ZMYM2: variants seen among roughly 807,000 people sequenced by gnomAD.
ZMYM2 encodes zinc finger MYM-type containing 2.
A neutral mutation model predicts 162.8 loss-of-function variants in ZMYM2; 56 were observed. That is an observed-to-expected ratio of 0.34 (90% CI 0.28 to 0.43). The LOEUF (loss-of-function observed/expected upper bound fraction) is 0.43, where lower values mean the gene tolerates loss of function less well. ZMYM2 is among the 20% of genes least tolerant of loss of function. ZMYM2 has a pLI of 1.00. For synonymous variants in ZMYM2, 510 were observed against 541.6 expected (o/e 0.94, Z 0.81); for missense variants, 1,275 against 1,621.8 (o/e 0.79, Z 3.67).
rs935121760 is a variant in ZMYM2, at chr13:20,086,622, G to A, written c.*608G>A. 2.0e-5 allele frequency: 4 copies of A among 196,282 alleles called. No individual in the cohort carries two copies. In the East Asian group the frequency reaches 3.2e-4, roughly 16 times the overall value. The allele number at this position is 196,282 out of a possible 1,614,324, so 12.2% of individuals were successfully genotyped here. A position where few individuals can be genotyped will look rare whatever the true frequency, so the allele number is the denominator to read the frequency against. The stretch of plus-strand genomic sequence containing the variant: ...ACAAGAGAATGCTGTCAATATTGGT[G>A]TACTGTAATGTGAATCTATGCTGGT... On this transcript the variant is annotated 3_prime_UTR_variant, in exon 25 of 25. Transcript: ENST00000610343.
chr13:19,899,688 G>A, the ZMYM2 span, among the ~76,000 whole-genome samples: 1 of 151,540 alleles, frequency 6.6e-6, no homozygotes, highest in Admixed American at 6.6e-5. Context: ...ATGGTGGCAG[G>A]CACCTGTAAT....
the ZMYM2 span, among the ~76,000 whole-genome samples, chr13:19,871,954 G>T: frequency 6.6e-6 from 1 of 151,894 alleles, no homozygotes; most frequent in African/African-American, 2.4e-5. Context: ...GCAGACTCAT[G>T]TATTTATTAT....
the ZMYM2 span, among the ~76,000 whole-genome samples, chr13:19,876,738 C>T: frequency 9.8e-4 from 149 of 152,314 alleles, no homozygotes; most frequent in African/African-American, 3.6e-3. Context: ...CCATCACCAT[C>T]ACCCATTTTC....
intron 21 of ZMYM2, among the ~76,000 whole-genome samples, chr13:20,077,478 T>C (rs950429059): frequency 6.6e-6 from 1 of 150,664 alleles, no homozygotes; most frequent in Non-Finnish European, 1.5e-5. Flanking sequence ...AATAATGTTA[T>C]GCTCGTGTTG....
Position 20,036,773 on chromosome 13 carries a change from GT to G in ZMYM2, c.2159del (p.Leu720Ter). The G allele has an allele frequency of 6.3e-7, 1 of 1,589,920 alleles. No individual in the cohort carries two copies. Among genetic ancestry groups the G allele is most frequent in the Non-Finnish European group, 8.6e-7 (1 of 1,168,028 alleles). ...KLLYKQDFAR[R>X]LGLRCVTCNY... ...TTATACAAACAGGATTTTGCCAGAC[GT>G]TTAGGATTGAGATGTGTTACTTGCA... On this transcript the variant is annotated frameshift_variant, in exon 12 of 25. Coordinates refer to ENST00000610343, the MANE Select transcript of ZMYM2 (RefSeq NM_197968.4). LOFTEE classifies it high-confidence loss of function.
chr13:19,895,428 T>C, the ZMYM2 span, among the ~76,000 whole-genome samples: 3 of 151,928 alleles, frequency 2.0e-5, no homozygotes, highest in Non-Finnish European at 4.4e-5. Flanking sequence ...TTATTTATCA[T>C]AATTATGGAG....
At chr13:20,071,126 T>A (rs993203492) in intron 21 of ZMYM2, 2 of 152,024 alleles carry the variant, frequency 1.3e-5, no homozygotes, top group Admixed American at 6.6e-5. Context: ...TGCTCTGTCA[T>A]CCAGGCTGGA....
chr13:20,001,771 A>G (rs1291283087), intron 3 of ZMYM2, among the ~76,000 whole-genome samples: 2 of 152,230 alleles, frequency 1.3e-5, no homozygotes, highest in African/African-American at 4.8e-5. Flanking sequence ...GTCAGCAGCT[A>G]TCAGCATTGA....
intron 21 of ZMYM2, among the ~76,000 whole-genome samples, chr13:20,080,284 T>G (rs1957821363): frequency 6.6e-6 from 1 of 152,172 alleles, no homozygotes. Context: ...ATTTTAGAAT[T>G]TTGCTGACTA....
chr13:19,958,384 C>T (rs1169723942), upstream of ZMYM2, among the ~76,000 whole-genome samples: 1 of 151,728 alleles, frequency 6.6e-6, no homozygotes, highest in Non-Finnish European at 1.5e-5. Flanking sequence ...CCCGGAGAGC[C>T]CCGGGCCCCG....
chr13:19,924,324 G>C, the ZMYM2 span, among the ~76,000 whole-genome samples: 2 of 152,254 alleles, frequency 1.3e-5, no homozygotes, highest in East Asian at 3.9e-4. Context: ...CAGCACGTTG[G>C]GAGCTGAAGC....
the ZMYM2 span, among the ~76,000 whole-genome samples, chr13:19,940,532 T>G: frequency 6.6e-6 from 1 of 152,236 alleles, no homozygotes; most frequent in Non-Finnish European, 1.5e-5. Flanking sequence ...CTTCAGGATT[T>G]TTCCTGAAAA....
chr13:19,935,867 C>G, the ZMYM2 span, among the ~76,000 whole-genome samples: 79 of 152,260 alleles, frequency 5.2e-4, 1 homozygote, highest in African/African-American at 1.8e-3. Flanking sequence ...TAAATAATGA[C>G]TCTCTTAGAG....
At position 20,085,951 on chromosome 13, in the gene ZMYM2, G is replaced by T. The variant is rs761742412; in HGVS notation, c.4071G>T (p.Arg1357=). 5 of 1,613,612 alleles carry T rather than the reference G, an allele frequency of 3.1e-6. No individual in the cohort carries two copies. In the South Asian group the frequency reaches 5.5e-5, roughly 18 times the overall value. Reference sequence around the variant, plus strand: ...ACACCTTGGAAAATATGCTTGTACGGGTTCTTCTAGTAAAAGATATTTATG... The same window carrying T: ...ACACCTTGGAAAATATGCTTGTACGTGTTCTTCTAGTAAAAGATATTTATG... ...DRNTLENMLV[R]VLLVKDIYDK... is the part of the protein sequence containing the mutation. The change falls in exon 25 of 25, where the codon CGG becomes CGT. Residue 1357 remains arginine (R), a synonymous_variant. Transcript: ENST00000610343.
intron 13 of ZMYM2, 66 bp downstream of exon 13, chr13:20,051,664 A>G: frequency 6.9e-7 from 1 of 1,449,264 alleles, no homozygotes; most frequent in East Asian, 2.4e-5. Flanking sequence ...TTTTGAATCC[A>G]AAGCACTGAT....
intron 2 of ZMYM2, among the ~76,000 whole-genome samples, chr13:19,978,591 T>A (rs926370747): frequency 1.2e-4 from 18 of 152,090 alleles, no homozygotes. Context: ...AATTTTGTAT[T>A]TTTAGTAGAG....
chr13:19,926,757 T>C, the ZMYM2 span, among the ~76,000 whole-genome samples: 1 of 152,200 alleles, frequency 6.6e-6, no homozygotes, highest in Non-Finnish European at 1.5e-5. Context: ...AATCTCTGCC[T>C]CCTGTGCTCA....
At chr13:19,899,875 A>G in the ZMYM2 span, among the ~76,000 whole-genome samples, 1 of 151,172 alleles carries the variant, frequency 6.6e-6, no homozygotes, top group African/African-American at 2.4e-5. Flanking sequence ...ACCAAGAATG[A>G]GTTCTTTGAA....
upstream of ZMYM2, among the ~76,000 whole-genome samples, chr13:19,957,038 G>A (rs1017505207): frequency 6.6e-6 from 1 of 152,222 alleles, no homozygotes; most frequent in East Asian, 1.9e-4. Flanking sequence ...CTAAAAATTA[G>A]TGATACTTTT....
Sources: allele counts gnomAD v4.1 joint callset (sites outside exome capture counted in the v4.1 genomes callset), GRCh38; gene constraint gnomAD v4.1.1; transcripts MANE v1.5; gene names NCBI Gene and HGNC (gene_info 2026-07-23, HGNC 2026-07-21).